Variants in SYT14 observed in about 807,000 individuals in gnomAD.
SYT14 encodes the protein synaptotagmin-14.
In SYT14, 32 loss-of-function variants were observed where a neutral mutation model predicts 74.2. The ratio of observed to expected loss-of-function variants is 0.43; its 90% CI spans 0.33 to 0.58. The LOEUF is 0.58. Among genes scored for constraint, SYT14 ranks in the 20% least tolerant of loss-of-function variants. The pLI, the probability that SYT14 is intolerant of heterozygous loss-of-function variation, is 0.05. For missense variants in SYT14, 791 were observed against 981.8 expected (o/e 0.81, Z 2.60); for synonymous variants, 298 against 337.7 (o/e 0.88, Z 1.29).
chr1:210,069,077 A>C (rs2081347399), intron 5 of SYT14, among the ~76,000 whole-genome samples: 1 of 151,864 alleles, frequency 6.6e-6, no homozygotes, highest in African/African-American at 2.4e-5. Flanking sequence ...AAGCTAAAAG[A>C]AATCTCTTCT....
intron 2 of SYT14, among the ~76,000 whole-genome samples, chr1:209,979,873 A>G (rs2079448734): frequency 6.6e-6 from 1 of 152,168 alleles, no homozygotes; most frequent in African/African-American, 2.4e-5. Context: ...ATTTAGATTG[A>G]TTCCACGTCT....
At chr1:209,956,519 G>C (rs1404162980) in intron 2 of SYT14, among the ~76,000 whole-genome samples, 1 of 152,076 alleles carries the variant, frequency 6.6e-6, no homozygotes, top group African/African-American at 2.4e-5. Context: ...GATTTTTATG[G>C]GATAGGCCTG....
exon 10 of SYT14, chr1:210,160,816 C>T (rs1432998129): frequency 6.2e-7 from 1 of 1,613,940 alleles, no homozygotes; most frequent in Non-Finnish European, 8.5e-7. Context: ...CAGCCAAATC[C>T]AGTATATAAG....
chr1:209,941,105 C>T (rs2078723082), intron 1 of SYT14, among the ~76,000 whole-genome samples: 1 of 152,020 alleles, frequency 6.6e-6, no homozygotes, highest in African/African-American at 2.4e-5. Context: ...GTGTTTTAGC[C>T]CTTGAGTCTA....
chr1:209,956,937 A>T lies in SYT14; in HGVS notation c.-486+4181A>T, dbSNP rs559631114. 4.6e-5 allele frequency among the ~76,000 whole-genome samples: 7 copies of T among 151,780 alleles called. 1 individual carries two copies. In the South Asian group the frequency reaches 1.5e-3, roughly 32 times the overall value. On this transcript the variant is annotated intron_variant, in intron 2 of 9. Coordinates refer to ENST00000637265, the Ensembl canonical transcript of SYT14. ...TGTCTTTTTTGTCTCTTAGGACCCT[A>T]CACCCTTTTTTTTTCATTTCCCCTT...
At chr1:209,984,074 T>C (rs1453098503) in intron 2 of SYT14, among the ~76,000 whole-genome samples, 1 of 152,252 alleles carries the variant, frequency 6.6e-6, no homozygotes, top group African/African-American at 2.4e-5. Flanking sequence ...ATAGCCACTG[T>C]TGGCAAAGCC....
chr1:209,969,252 G>A (rs1037555758), intron 2 of SYT14, among the ~76,000 whole-genome samples: 1 of 151,924 alleles, frequency 6.6e-6, no homozygotes, highest in Non-Finnish European at 1.5e-5. Flanking sequence ...TTTTCTTTTG[G>A]AGATACCTGG....
chr1:209,978,853 C>G (rs868300938), intron 2 of SYT14, among the ~76,000 whole-genome samples: 1 of 152,234 alleles, frequency 6.6e-6, no homozygotes, highest in Admixed American at 6.5e-5. Context: ...TGGGCTCCAC[C>G]CAGTTCGAGC....
exon 10 of SYT14, chr1:210,160,804 GGCA>G (rs1187061209): frequency 8.1e-6 from 13 of 1,613,840 alleles, no homozygotes; most frequent in Non-Finnish European, 1.1e-5. Context: ...ATCCGCAGAG[GGCA>G]GCCAAATCCA....
intron 7 of SYT14, among the ~76,000 whole-genome samples, chr1:210,110,256 T>TA (rs1207641858): frequency 1.3e-5 from 2 of 152,086 alleles, no homozygotes; most frequent in African/African-American, 4.8e-5. Context: ...TCCCAGAACT[T>TA]AAAGTATAAT....
At chr1:209,995,319 AAAG>A (rs2079769142) in intron 2 of SYT14, among the ~76,000 whole-genome samples, 2 of 152,206 alleles carry the variant, frequency 1.3e-5, no homozygotes, top group Admixed American at 1.3e-4. Flanking sequence ...GAAACCAAAA[AAAG>A]AGCAGAAGTC....
intron 5 of SYT14, among the ~76,000 whole-genome samples, chr1:210,047,464 C>A (rs1572210311): frequency 6.6e-6 from 1 of 152,114 alleles, no homozygotes. Flanking sequence ...ATGGCGCAAT[C>A]TCAACTAACT....
chr1:210,148,840 C>G (rs2083098201), intron 7 of SYT14, among the ~76,000 whole-genome samples: 1 of 152,256 alleles, frequency 6.6e-6, no homozygotes, highest in Middle Eastern at 3.4e-3. Context: ...CCTAACTTCT[C>G]TTTCGAGGCT....
chr1:210,118,963 AAT>A, intron 7 of SYT14, among the ~76,000 whole-genome samples: 1 of 152,290 alleles, frequency 6.6e-6, no homozygotes, highest in African/African-American at 2.4e-5. Context: ...ACAATGGGCA[AAT>A]ATGTTTTAAA....
At chr1:209,994,549 A>C (rs2079753236) in intron 2 of SYT14, among the ~76,000 whole-genome samples, 1 of 152,184 alleles carries the variant, frequency 6.6e-6, no homozygotes. Flanking sequence ...AGAGAGAAAA[A>C]TAACTTGGAA....
intron 7 of SYT14, among the ~76,000 whole-genome samples, chr1:210,102,846 T>C (rs1406844615): frequency 2.0e-5 from 3 of 151,622 alleles, no homozygotes; most frequent in African/African-American, 7.3e-5. Flanking sequence ...CAGGCCTGGC[T>C]AATTTTTTTT....
At chr1:210,131,835 G>A (rs1327406203) in intron 7 of SYT14, among the ~76,000 whole-genome samples, 1 of 151,978 alleles carries the variant, frequency 6.6e-6, no homozygotes, top group Non-Finnish European at 1.5e-5. Flanking sequence ...CCAAACTCAG[G>A]TTCTAACTCC....
At chr1:209,958,484 G>A (rs1246915582) in intron 2 of SYT14, among the ~76,000 whole-genome samples, 1 of 151,824 alleles carries the variant, frequency 6.6e-6, no homozygotes, top group African/African-American at 2.4e-5. Context: ...ATGTGGAGAC[G>A]ATATCTTTAA....
chr1:209,997,201 T>G (rs1262635413), intron 2 of SYT14, among the ~76,000 whole-genome samples: 2 of 152,056 alleles, frequency 1.3e-5, no homozygotes, highest in African/African-American at 4.8e-5. Context: ...GCTGACGATA[T>G]GATTCTACAC....
Sources: gnomAD v4.1 joint callset for allele counts (sites outside exome capture counted in the v4.1 genomes callset) on GRCh38, gnomAD v4.1.1 for gene constraint, MANE v1.5 for transcripts, NCBI Gene and HGNC (gene_info 2026-07-23, HGNC 2026-07-21) for gene names.